Variants in TRANK1 observed in about 807,000 individuals in gnomAD.
The protein encoded by TRANK1 is TPR and ankyrin repeat-containing protein 1.
Under a neutral mutation model 266.0 loss-of-function variants are expected in TRANK1, and 198 were observed. The ratio of observed to expected loss-of-function variants is 0.74; its 90% confidence interval spans 0.66 to 0.84. The LOEUF is 0.84. Among genes scored for constraint, TRANK1 ranks in the 40% least tolerant of loss-of-function variants. TRANK1 has a pLI of 0.00. For missense variants in TRANK1, 3,326 were observed against 3,634.6 expected, an observed-to-expected ratio of 0.92 and a Z score of 2.18; for synonymous variants, 1,396 against 1,384.1, an observed-to-expected ratio of 1.01 and a Z score of -0.19.
Position 36,932,482 on chromosome 3 carries a change from G to A in TRANK1, c.23+12305C>T, listed in dbSNP as rs529196365. ...GGAGCCTAAGGCAGGAGAATCGCTTGAACCTGGGAGGTGGAGGTCGCAGTG... is the reference window on the plus strand; with the variant it reads ...GGAGCCTAAGGCAGGAGAATCGCTTAAACCTGGGAGGTGGAGGTCGCAGTG... On this transcript the variant is annotated intron_variant, in intron 1 of 23. Coordinates refer to ENST00000645898, the MANE Select transcript of TRANK1 (RefSeq NM_001329998.2). Among the ~76,000 whole-genome samples the A allele has an allele frequency of 5.5e-4, 84 of 152,290 alleles. 1 individual carries two copies. The South Asian group carries it at 0.017, about 30-fold the overall frequency.
intron 9 of TRANK1, 94 bp downstream of exon 9, chr3:36,874,032 A>C: frequency 8.9e-7 from 1 of 1,128,580 alleles, no homozygotes; most frequent in African/African-American, 1.6e-5. Flanking sequence ...GTGTGTGTAT[A>C]TATATATATA....
chr3:36,883,965 T>C (rs2079566817), intron 8 of TRANK1, among the ~76,000 whole-genome samples: 1 of 152,174 alleles, frequency 6.6e-6, no homozygotes, highest in Non-Finnish European at 1.5e-5. Flanking sequence ...CAAAAAACAC[T>C]GAATATAAAT....
chr3:36,937,104 A>G (rs1040253708), intron 1 of TRANK1, among the ~76,000 whole-genome samples: 1 of 152,208 alleles, frequency 6.6e-6, no homozygotes, highest in Non-Finnish European at 1.5e-5. Flanking sequence ...CTCAAAAAAT[A>G]TATAAATAAA....
intron 2 of TRANK1, among the ~76,000 whole-genome samples, chr3:36,907,110 T>C (rs931444417): frequency 1.3e-5 from 2 of 152,172 alleles, no homozygotes; most frequent in Non-Finnish European, 2.9e-5. Flanking sequence ...TTTTGGAAAA[T>C]ATACTTTAAA....
rs773527472 is a variant in TRANK1, at chr3:36,828,424, G to GGGAGGGAA, written c.8810-57_8810-50dup. On this transcript the variant is annotated intron_variant, in intron 23 of 23. Coordinates refer to ENST00000645898, the MANE Select transcript of TRANK1 (RefSeq NM_001329998.2). Reference sequence around the variant, plus strand: ...AGGAAGGAAGGAAAGAAGGGAGGGAGGGAGGGAAGGAAAGAAGGAAGGAAG... The same window carrying GGGAGGGAA: ...AGGAAGGAAGGAAAGAAGGGAGGGAGGGAGGGAAGGAGGGAAGGAAAGAAGGAAGGAAG... The GGGAGGGAA allele has an allele frequency of 4.6e-6, 4 of 873,098 alleles. No individual in the cohort carries two copies. The South Asian group carries it at 5.7e-5, about 12-fold the overall frequency. The allele number at this position is 873,098 out of a possible 1,614,324, so 54.1% of individuals were successfully genotyped here.
intron 23 of TRANK1, 33 bp from the exon 24 acceptor site, chr3:36,828,408 G>T: frequency 1.4e-6 from 1 of 700,596 alleles, no homozygotes; most frequent in Non-Finnish European, 2.4e-6. Flanking sequence ...AAGGAAGGAA[G>T]GAAAGAAGGG....
intron 18 of TRANK1, among the ~76,000 whole-genome samples, chr3:36,842,030 C>T (rs1386492662): frequency 2.0e-5 from 3 of 152,162 alleles, no homozygotes; most frequent in Non-Finnish European, 4.4e-5. Context: ...TGCAGGAATG[C>T]TGACTTTGGG....
At chr3:36,931,269 TA>T (rs144882672) in intron 1 of TRANK1, among the ~76,000 whole-genome samples, 29 of 149,014 alleles carry the variant, frequency 1.9e-4, no homozygotes, top group African/African-American at 5.9e-4. Context: ...TATTAAGTGT[TA>T]AAAAAAAAAG....
At chr3:36,898,671 G>C (rs905139249) in intron 4 of TRANK1, among the ~76,000 whole-genome samples, 2 of 151,920 alleles carry the variant, frequency 1.3e-5, no homozygotes, top group Admixed American at 1.3e-4. Context: ...CCAATATGGC[G>C]AAACCTCATC....
intron 1 of TRANK1, among the ~76,000 whole-genome samples, chr3:36,920,049 A>G (rs572548753): frequency 1.3e-5 from 2 of 152,380 alleles, no homozygotes; most frequent in East Asian, 1.9e-4. Flanking sequence ...CTGGACAGCC[A>G]TCATTCTCCT....
At chr3:36,933,367 G>T (rs1468187058) in intron 1 of TRANK1, among the ~76,000 whole-genome samples, 1 of 152,270 alleles carries the variant, frequency 6.6e-6, no homozygotes, top group African/African-American at 2.4e-5. Flanking sequence ...AAGTAAAATT[G>T]CTTTGCTAAG....
At chr3:36,883,746 C>T (rs2079564184) in intron 8 of TRANK1, among the ~76,000 whole-genome samples, 2 of 152,176 alleles carry the variant, frequency 1.3e-5, no homozygotes. Context: ...AAAGTTCTGA[C>T]TCCTAGAACC....
At chr3:36,915,108 C>A (rs540110084) in intron 1 of TRANK1, among the ~76,000 whole-genome samples, 2 of 152,198 alleles carry the variant, frequency 1.3e-5, no homozygotes, top group East Asian at 1.9e-4. Context: ...CCGGCCACCA[C>A]GCCCGGCTAA....
At chr3:36,852,515 C>G (rs1042851218) in intron 13 of TRANK1, among the ~76,000 whole-genome samples, 170 bp from the exon 14 acceptor site, 3 of 152,066 alleles carry the variant, frequency 2.0e-5, no homozygotes, top group South Asian at 2.1e-4. Context: ...GCCCTGAGCT[C>G]TCTGGGTGCA....
At chr3:36,884,971 G>A (rs2079582345) in intron 8 of TRANK1, among the ~76,000 whole-genome samples, 1 of 151,228 alleles carries the variant, frequency 6.6e-6, no homozygotes, top group African/African-American at 2.4e-5. Flanking sequence ...AATGTAGACA[G>A]AAGGAAGAAA....
At chr3:36,944,248 A>C (rs935037348) in intron 1 of TRANK1, among the ~76,000 whole-genome samples, 6 of 152,200 alleles carry the variant, frequency 3.9e-5, no homozygotes, top group Non-Finnish European at 8.8e-5. Context: ...AGTTTGAGCC[A>C]GCCCAGCAGC....
At chr3:36,930,391 C>T (rs1258188502) in intron 1 of TRANK1, among the ~76,000 whole-genome samples, 3 of 152,116 alleles carry the variant, frequency 2.0e-5, no homozygotes, top group Non-Finnish European at 4.4e-5. Context: ...TGCAGACTTT[C>T]CCGGTAGGAA....
rs2079039118 is a variant in TRANK1, at chr3:36,855,461, G to C, written c.4261C>G (p.Leu1421Val). The change falls in exon 13 of 24, where the codon CTG becomes GTG. Residue 1421 changes from leucine to valine, a missense_variant. Transcript: ENST00000645898. Reference sequence around the variant, plus strand: ...CATGGGAGCACCCTGAGCTTCGACAGCCTCCGGGATATGTTGTACAGAACA... The same window carrying C: ...CATGGGAGCACCCTGAGCTTCGACACCCTCCGGGATATGTTGTACAGAACA... ...EDVLYNISRR[L>V]SKLRVLPWSI... 6.2e-7 allele frequency: 1 copy of C among 1,613,880 alleles called. No homozygotes were observed. The highest frequency in any genetic ancestry group is 1.3e-5 in the African/African-American group (1 of 74,934).
Position 36,892,326 on chromosome 3 carries a change from A to G in TRANK1, c.651T>C (p.Ile217=), listed in dbSNP as rs757222412. The change falls in exon 7 of 24, where the codon ATT becomes ATC. Residue 217 remains isoleucine (I), a synonymous_variant. Transcript: ENST00000645898. The part of the protein sequence containing the change: ...LKSLFEKYVF[I]GLYEKMEQVP... ...CTTGTTCCATCTTCTCATAAAGTCC[A>G]ATGAAAACGTATTTCTGGGGAAAAA... is the stretch of plus-strand genomic sequence containing the variant. The G allele has an allele frequency of 5.2e-6, 8 of 1,537,034 alleles. No homozygotes were observed. The highest frequency in any genetic ancestry group is 3.6e-5 in the South Asian group (3 of 84,026).
Sources: allele counts gnomAD v4.1 joint callset (sites outside exome capture counted in the v4.1 genomes callset), GRCh38; gene constraint gnomAD v4.1.1; transcripts MANE v1.5; gene names NCBI Gene and HGNC (gene_info 2026-07-23, HGNC 2026-07-21).